The following PLCG1 variants were observed in gnomAD, a reference collection of about 807,000 sequenced individuals.
The protein encoded by PLCG1 is phospholipase C gamma 1, also known as 1-phosphatidylinositol 4,5-bisphosphate phosphodiesterase gamma-1.
PLCG1 carries 71 observed loss-of-function variants against 177.8 expected under a neutral mutation model. That is an observed-to-expected ratio of 0.40 (90% CI 0.33 to 0.49). The LOEUF (loss-of-function observed/expected upper bound fraction) is 0.49. Ranked by LOEUF, PLCG1 falls within the 20% of genes least tolerant of loss-of-function variation. The pLI is 0.72. For synonymous variants in PLCG1, 658 were observed against 647.9 expected (o/e 1.02, Z -0.24); for missense variants, 1,281 against 1,709.0 (o/e 0.75, Z 4.42).
rs1056695750 is a variant in PLCG1, at chr20:41,173,330, T to C, written c.3280-90T>C. 7.3e-7 allele frequency: 1 copy of C among 1,369,656 alleles called. No individual in the cohort carries two copies. Among genetic ancestry groups the C allele is most frequent in the African/African-American group, 1.5e-5 (1 of 68,140 alleles). 84.8% of individuals were successfully genotyped at this position (1,369,656 alleles called of 1,614,324 possible). A position where few individuals can be genotyped will look rare whatever the true frequency, so the allele number is the denominator to read the frequency against. On this transcript the variant is annotated intron_variant, in intron 27 of 31. Transcript: ENST00000685551. This position sits in a 1 kb window ranked among gnomAD's most constrained non-coding sequence, Gnocchi z 6.2. ...GGGGCCCAGCAGAGGGCGCGCTGCCTCCACTCCACAGATGCTGACTGAGCC... is the reference window on the plus strand; with the variant it reads ...GGGGCCCAGCAGAGGGCGCGCTGCCCCCACTCCACAGATGCTGACTGAGCC...
intron 4 of PLCG1, 119 bp from the exon 5 acceptor site, chr20:41,162,333 A>G (rs1300149327): frequency 3.1e-6 from 2 of 647,588 alleles, no homozygotes; most frequent in Admixed American, 2.2e-5. Flanking sequence ...TCTTGCCCTC[A>G]GGCCTCCAGG....
Position 41,163,202 on chromosome 20 carries a change from G to A in PLCG1, c.717-1G>A, listed in dbSNP as rs1241742069. The A allele has an allele frequency of 1.3e-6, 2 of 1,544,888 alleles. No homozygotes were observed. The highest frequency in any genetic ancestry group is 1.7e-6 in the Non-Finnish European group (2 of 1,147,832). On this transcript the variant is annotated splice_acceptor_variant, in intron 7 of 31. Coordinates refer to ENST00000685551, the MANE Select transcript of PLCG1 (RefSeq NM_002660.3). LOFTEE classifies it high-confidence loss of function. The surrounding 1 kb of genome is among the most constrained non-coding windows in gnomAD (Gnocchi z 5.2). ...AGCTAGCTTACCTTCTCTCCCTGCA[G>A]GGCTGGGGAGCGGCCGGAGCTTTGC...
Position 41,146,058 on chromosome 20 carries a change from T to G in PLCG1, c.217+8200T>G, listed in dbSNP as rs1319053890. Among the ~76,000 whole-genome samples the G allele has an allele frequency of 2.0e-5, 3 of 152,198 alleles. No individual in the cohort carries two copies. Among genetic ancestry groups the G allele is most frequent in the Non-Finnish European group, 4.4e-5 (3 of 68,028 alleles). ...CCACATGTAGGCTTTGTGTATAGGC[T>G]CTGCTGCTTCCTTCCGGCCCTGGCC... On this transcript the variant is annotated intron_variant, in intron 1 of 31. Transcript: ENST00000685551. The surrounding 1 kb of genome is among the most constrained non-coding windows in gnomAD (Gnocchi z 6.3).
chr20:41,164,247 C>T lies in PLCG1; in HGVS notation c.1217+46C>T. 22 of 1,606,626 alleles carry T rather than the reference C, an allele frequency of 1.4e-5. No homozygotes were observed. Among genetic ancestry groups the T allele is most frequent in the Non-Finnish European group, 1.9e-5 (22 of 1,174,594 alleles). On this transcript the variant is annotated intron_variant, in intron 12 of 31. Coordinates refer to ENST00000685551, the MANE Select transcript of PLCG1 (RefSeq NM_002660.3). The surrounding 1 kb of genome is among the most constrained non-coding windows in gnomAD (Gnocchi z 6.4). The stretch of plus-strand genomic sequence containing the variant: ...CCCAGGGGTTAACTTGGCTCCAGGT[C>T]TCTCGTTCTAGAGGGACAGAGGGCA...
chr20:41,164,990 G>A lies in PLCG1; in HGVS notation c.1275G>A (p.Met425Ile). The A allele has an allele frequency of 6.2e-7, 1 of 1,614,186 alleles. No homozygotes were observed. Among genetic ancestry groups the A allele is most frequent in the Non-Finnish European group, 8.5e-7 (1 of 1,180,016 alleles). The stretch of plus-strand genomic sequence containing the variant: ...GCAGCATTGCCCAGCAGAGAAACAT[G>A]GCCCAATACTTCAAGAAGGTGCTGG... Reference protein sequence around the residue: ...DHCSIAQQRNMAQYFKKVLGD... With the variant: ...DHCSIAQQRNIAQYFKKVLGD... The change falls in exon 13 of 32, where the codon ATG becomes ATA. Residue 425 changes from methionine to isoleucine, a missense_variant. Met to Ile is a conservative substitution (Grantham distance 10). Around this residue, in one of 4 missense-constraint regions of PLCG1, gnomAD observed 723 missense variants for 1,030.0 expected, o/e 0.70. Transcript: ENST00000685551. This position sits in a 1 kb window ranked among gnomAD's most constrained non-coding sequence, Gnocchi z 6.4.
Position 41,160,242 on chromosome 20 carries a change from C to A in PLCG1, c.512+89C>A. On this transcript the variant is annotated intron_variant, in intron 4 of 31. Transcript: ENST00000685551. This position sits in a 1 kb window ranked among gnomAD's most constrained non-coding sequence, Gnocchi z 5.5. Reference sequence around the variant, plus strand: ...GCCTCTAAGTAGCTGCCCGGAGAGCCAGAGGACCCAGGGGACCTTAAGTGG... The same window carrying A: ...GCCTCTAAGTAGCTGCCCGGAGAGCAAGAGGACCCAGGGGACCTTAAGTGG... The A allele has an allele frequency of 8.2e-7, 1 of 1,213,306 alleles. No homozygotes were observed. The highest frequency in any genetic ancestry group is 1.2e-6 in the Non-Finnish European group (1 of 823,822). The allele number at this position is 1,213,306 out of a possible 1,614,324, so 75.2% of individuals were successfully genotyped here. A position where few individuals can be genotyped will look rare whatever the true frequency, so the allele number is the denominator to read the frequency against.
chr20:41,139,949 G>A (rs2034765870), intron 1 of PLCG1, among the ~76,000 whole-genome samples: 1 of 152,204 alleles, frequency 6.6e-6, no homozygotes, highest in Non-Finnish European at 1.5e-5. Flanking sequence ...GTTTGCAGTT[G>A]TGCACATTTG....
rs2035967861 is a variant in PLCG1, at chr20:41,173,497, T to A, written c.3357T>A (p.Ala1119=). 1.3e-6 allele frequency: 2 copies of A among 1,587,090 alleles called. No individual in the cohort carries two copies. The highest frequency in any genetic ancestry group is 4.6e-5 in the East Asian group (2 of 43,626). The change falls in exon 28 of 32, where the codon GCT becomes GCA. Residue 1119 remains alanine (A), a synonymous_variant. Coordinates refer to ENST00000685551, the MANE Select transcript of PLCG1 (RefSeq NM_002660.3). The surrounding 1 kb of genome is among the most constrained non-coding windows in gnomAD (Gnocchi z 6.2). The part of the protein sequence containing the change: ...CPFVEIEVAG[A]EYDSTKQKTE... ...TTGTGGAGATTGAGGTGGCTGGAGC[T>A]GAGTATGACAGCACCAAGCAGAAGA...
At chr20:41,158,079 T>C (rs536918231) in intron 1 of PLCG1, among the ~76,000 whole-genome samples, 2 of 152,166 alleles carry the variant, frequency 1.3e-5, no homozygotes, top group African/African-American at 4.8e-5. Flanking sequence ...GACAGGTGGT[T>C]CCAGGTAGAA....
rs780909819 is a variant in PLCG1, at chr20:41,144,566, C to A, written c.217+6708C>A. On this transcript the variant is annotated intron_variant, in intron 1 of 31. Transcript: ENST00000685551. The surrounding 1 kb of genome is among the most constrained non-coding windows in gnomAD (Gnocchi z 4.1). ...GGGGTGGGACACAGAAGAGCCTCAC[C>A]CTCTTGACTTTCTGGTTTGTGGTGA... Among the ~76,000 whole-genome samples the A allele has an allele frequency of 6.6e-5, 10 of 152,154 alleles. No individual in the cohort carries two copies. The highest frequency in any genetic ancestry group is 1.5e-4 in the Non-Finnish European group (10 of 68,030).
rs1422535965 is a variant in PLCG1, at chr20:41,165,620, T to C, written c.1612-19T>C. ...TGGGCCAGGGTCACAGTATCTTTGC[T>C]GTTGCCTTCCCCTGACAGGTCAGCA... On this transcript the variant is annotated intron_variant, in intron 15 of 31. Coordinates refer to ENST00000685551, the MANE Select transcript of PLCG1 (RefSeq NM_002660.3). The surrounding 1 kb of genome is among the most constrained non-coding windows in gnomAD (Gnocchi z 6.6). The C allele has an allele frequency of 6.2e-7, 1 of 1,612,296 alleles. No homozygotes were observed. Among genetic ancestry groups the C allele is most frequent in the African/African-American group, 1.3e-5 (1 of 74,916 alleles).
At chr20:41,152,503 C>T (rs1016262755) in intron 1 of PLCG1, among the ~76,000 whole-genome samples, 1 of 152,230 alleles carries the variant, frequency 6.6e-6, no homozygotes, top group Non-Finnish European at 1.5e-5. Flanking sequence ...TGTTGTAGCC[C>T]CTCAGCCTCT....
Position 41,137,979 on chromosome 20 carries a change from A to G in PLCG1, c.217+121A>G. 2 of 625,878 alleles carry G rather than the reference A, an allele frequency of 3.2e-6. No individual in the cohort carries two copies. The highest frequency in any genetic ancestry group is 8.6e-5 in the South Asian group (1 of 11,588). The allele number at this position is 625,878 out of a possible 1,614,324, so 38.8% of individuals were successfully genotyped here. A position where few individuals can be genotyped will look rare whatever the true frequency, so the allele number is the denominator to read the frequency against. ...TGGGCAAACTTTCGGGCCCTCCCAG[A>G]CTCCCTCCGGGCCCCGCCCCCGCTT... On this transcript the variant is annotated intron_variant, in intron 1 of 31. Coordinates refer to ENST00000685551, the MANE Select transcript of PLCG1 (RefSeq NM_002660.3). The surrounding 1 kb of genome is among the most constrained non-coding windows in gnomAD (Gnocchi z 7.3).
chr20:41,169,183 C>T lies in PLCG1; in HGVS notation c.2580+8C>T. The T allele has an allele frequency of 6.3e-7, 1 of 1,575,654 alleles. No homozygotes were observed. The highest frequency in any genetic ancestry group is 8.7e-7 in the Non-Finnish European group (1 of 1,145,574). On this transcript the variant is annotated splice_region_variant and intron_variant, in intron 22 of 31. Coordinates refer to ENST00000685551, the MANE Select transcript of PLCG1 (RefSeq NM_002660.3). ...CTGGAGCCGGAGAGGGAGGTAAGAC[C>T]AGAACCACCTGAGTAACAGCATTCC...
Position 41,137,990 on chromosome 20 carries a change from G to T in PLCG1, c.217+132G>T, listed in dbSNP as rs919169737. 9.0e-6 allele frequency: 5 copies of T among 555,586 alleles called. No individual in the cohort carries two copies. The highest frequency in any genetic ancestry group is 1.4e-5 in the Non-Finnish European group (5 of 369,100). 34.4% of individuals were successfully genotyped at this position (555,586 alleles called of 1,614,324 possible). A position where few individuals can be genotyped will look rare whatever the true frequency, so the allele number is the denominator to read the frequency against. On this transcript the variant is annotated intron_variant, in intron 1 of 31. Coordinates refer to ENST00000685551, the MANE Select transcript of PLCG1 (RefSeq NM_002660.3). The surrounding 1 kb of genome is among the most constrained non-coding windows in gnomAD (Gnocchi z 7.3). ...TCGGGCCCTCCCAGACTCCCTCCGGGCCCCGCCCCCGCTTCGTCTCGGGTG... is the reference window on the plus strand; with the variant it reads ...TCGGGCCCTCCCAGACTCCCTCCGGTCCCCGCCCCCGCTTCGTCTCGGGTG...
intron 20 of PLCG1, 120 bp from the exon 21 acceptor site, chr20:41,168,647 T>C: frequency 1.5e-6 from 1 of 653,592 alleles, no homozygotes; most frequent in South Asian, 1.7e-5. Context: ...CAGTGTCATC[T>C]CCCACTGGCC....
chr20:41,162,503 C>G lies in PLCG1; in HGVS notation c.564C>G (p.Val188=), dbSNP rs1294192444. The change falls in exon 5 of 32, where the codon GTC becomes GTG. Residue 188 remains valine, a synonymous_variant. Transcript: ENST00000685551. ...TGCTGTCCCAGGTCAACTACCGGGT[C>G]CCCAACATGCGCTTCCTCCGAGAGC... ...KNMLSQVNYR[V]PNMRFLRERL... is the part of the protein sequence containing the mutation. 1.2e-5 allele frequency: 20 copies of G among 1,613,708 alleles called. No individual in the cohort carries two copies. Among genetic ancestry groups the G allele is most frequent in the Non-Finnish European group, 1.7e-5 (20 of 1,179,920 alleles).
chr20:41,167,512 T>G lies in PLCG1; in HGVS notation c.2302-340T>G. The G allele has an allele frequency of 3.8e-6, 1 of 263,544 alleles. No individual in the cohort carries two copies. The highest frequency in any genetic ancestry group is 2.2e-5 in the African/African-American group (1 of 45,098). The allele number at this position is 263,544 out of a possible 1,614,324, so 16.3% of individuals were successfully genotyped here. ...CTTTTCCTGACTTTGGGCTCAGCAG[T>G]GAACCAACAAGCCACTGAACTAAAG... On this transcript the variant is annotated intron_variant, in intron 19 of 31. Coordinates refer to ENST00000685551, the MANE Select transcript of PLCG1 (RefSeq NM_002660.3). This position sits in a 1 kb window ranked among gnomAD's most constrained non-coding sequence, Gnocchi z 4.4.
Position 41,163,770 on chromosome 20 carries a change from C to T in PLCG1, c.947C>T (p.Ala316Val). 6.2e-7 allele frequency: 1 copy of T among 1,613,438 alleles called. No homozygotes were observed. The change falls in exon 10 of 32, where the codon GCA becomes GTA. Residue 316 changes from alanine (A) to valine (V), a missense_variant. Ala to Val is a moderately conservative substitution (Grantham distance 64). This residue lies in a region of PLCG1 where 374 missense variants were observed against 443.8 expected (regional missense o/e 0.84). Coordinates refer to ENST00000685551, the MANE Select transcript of PLCG1 (RefSeq NM_002660.3). This position sits in a 1 kb window ranked among gnomAD's most constrained non-coding sequence, Gnocchi z 5.2. ...ENSVWNSQLD[A>V]VCPDTMNNPL... ...AGTGTGTGGAACTCGCAGCTGGATG[C>T]AGTATGCCCGGACACCATGAACAAC...
Sources: allele counts gnomAD v4.1 joint callset (sites outside exome capture counted in the v4.1 genomes callset), GRCh38; gene constraint gnomAD v4.1.1; regional missense constraint gnomAD v4.1.1; non-coding constraint Gnocchi (gnomAD v3.1); transcripts MANE v1.5; gene names NCBI Gene and HGNC (gene_info 2026-07-23, HGNC 2026-07-21).